HIP1: variants seen among roughly 807,000 people sequenced by gnomAD.
The protein encoded by HIP1 is huntingtin-interacting protein 1.
Under a neutral mutation model 147.6 loss-of-function variants are expected in HIP1, and 65 were observed. The observed-to-expected ratio is 0.44, with a 90% CI of 0.36 to 0.54. The LOEUF is 0.54. Among genes scored for constraint, HIP1 ranks in the 20% least tolerant of loss-of-function variants. The pLI is 0.00. For missense variants in HIP1, 1,061 were observed against 1,299.6 expected (o/e 0.82, Z 2.82); for synonymous variants, 479 against 504.0 (o/e 0.95, Z 0.67).
intron 1 of HIP1, among the ~76,000 whole-genome samples, chr7:75,702,614 T>C (rs1445469264): frequency 6.6e-6 from 1 of 152,210 alleles, no homozygotes; most frequent in Non-Finnish European, 1.5e-5. Context: ...AGAAGCATGG[T>C]GCCTGCATCT....
intron 25 of HIP1, 60 bp from the exon 26 acceptor site, chr7:75,545,248 G>C: frequency 1.1e-6 from 1 of 927,870 alleles, no homozygotes; most frequent in Non-Finnish European, 1.7e-6. Context: ...TATGGCAGGT[G>C]CTTTTATACA....
intron 1 of HIP1, among the ~76,000 whole-genome samples, chr7:75,672,855 G>A (rs1487427333): frequency 5.9e-5 from 9 of 152,156 alleles, no homozygotes; most frequent in African/African-American, 2.2e-4. Context: ...TGTGTATAGC[G>A]TGAAGAGTCT....
intron 5 of HIP1, among the ~76,000 whole-genome samples, chr7:75,583,241 C>A (rs587701828): frequency 3.5e-4 from 54 of 152,248 alleles, no homozygotes; most frequent in African/African-American, 1.3e-3. Flanking sequence ...CTTCCCCACA[C>A]CCTGCCTGCC....
chr7:75,658,356 T>C (rs1278788953), intron 1 of HIP1, among the ~76,000 whole-genome samples: 2 of 152,198 alleles, frequency 1.3e-5, no homozygotes, highest in African/African-American at 2.4e-5. Context: ...TCCCAAAGTG[T>C]TGGGATTACA....
At chr7:75,689,460 C>T (rs372035041) in intron 1 of HIP1, among the ~76,000 whole-genome samples, 7 of 151,470 alleles carry the variant, frequency 4.6e-5, no homozygotes, top group Middle Eastern at 3.6e-3. Context: ...GCTGAGATTG[C>T]GCCATTGTAT....
chr7:75,670,275 C>T (rs1189471956), intron 1 of HIP1, among the ~76,000 whole-genome samples: 6 of 151,150 alleles, frequency 4.0e-5, no homozygotes, highest in Admixed American at 2.6e-4. Flanking sequence ...CTCAGCCTCC[C>T]GGGTAGCTGG....
At chr7:75,714,341 T>A (rs1374071318) in intron 1 of HIP1, among the ~76,000 whole-genome samples, 4 of 151,702 alleles carry the variant, frequency 2.6e-5, no homozygotes, top group Non-Finnish European at 2.9e-5. Flanking sequence ...GCCTGGCCTT[T>A]TTAACATTTT....
At chr7:75,708,622 T>A (rs909024176) in intron 1 of HIP1, among the ~76,000 whole-genome samples, 1 of 152,154 alleles carries the variant, frequency 6.6e-6, no homozygotes, top group African/African-American at 2.4e-5. Context: ...TTTTTCCTCA[T>A]TGAATGGCCT....
At chr7:75,655,521 G>A (rs1554512501) in intron 1 of HIP1, among the ~76,000 whole-genome samples, 1 of 151,958 alleles carries the variant, frequency 6.6e-6, no homozygotes, top group Non-Finnish European at 1.5e-5. Flanking sequence ...AGCGGAGGTT[G>A]TAGTGAGCCG....
chr7:75,615,990 G>T (rs1797639551), intron 1 of HIP1, among the ~76,000 whole-genome samples: 1 of 145,948 alleles, frequency 6.9e-6, no homozygotes, highest in Admixed American at 7.0e-5. Flanking sequence ...GCAGGCTGAG[G>T]CAGGAGAATC....
rs782661927 is a variant in HIP1, at chr7:75,534,135, C to G, written c.*4037G>C. On this transcript the variant is annotated 3_prime_UTR_variant, in exon 31 of 31. Coordinates refer to ENST00000336926, the MANE Select transcript of HIP1 (RefSeq NM_005338.7). Reference sequence around the variant, plus strand: ...CTGAGAACTAGCTCCTGCACAGGGTCGAGGGGCCAAAGCCAACTAATCTGA... The same window carrying G: ...CTGAGAACTAGCTCCTGCACAGGGTGGAGGGGCCAAAGCCAACTAATCTGA... 4.3e-6 allele frequency: 1 copy of G among 230,390 alleles called. No homozygotes were observed. Among genetic ancestry groups the G allele is most frequent in the South Asian group, 1.8e-4 (1 of 5,512 alleles). 14.3% of individuals were successfully genotyped at this position (230,390 alleles called of 1,614,324 possible). A position where few individuals can be genotyped will look rare whatever the true frequency, so the allele number is the denominator to read the frequency against.
intron 5 of HIP1, 48 bp from the exon 6 acceptor site, chr7:75,582,199 C>A: frequency 6.7e-7 from 1 of 1,486,566 alleles, no homozygotes; most frequent in South Asian, 1.1e-5. Flanking sequence ...ACATGAAGAG[C>A]CCTCTCTCAG....
At chr7:75,679,984 C>G (rs529854751) in intron 1 of HIP1, among the ~76,000 whole-genome samples, 232 of 152,302 alleles carry the variant, frequency 1.5e-3, no homozygotes, top group Middle Eastern at 3.4e-3. Context: ...GACTAGCCTC[C>G]CTCTCACATC....
intron 1 of HIP1, among the ~76,000 whole-genome samples, chr7:75,661,683 G>A (rs549294393): frequency 6.6e-6 from 1 of 151,918 alleles, no homozygotes; most frequent in African/African-American, 2.4e-5. Context: ...CCAAGGATGC[G>A]AAGCAGGGAA....
At chr7:75,694,005 C>T (rs995894196) in intron 1 of HIP1, among the ~76,000 whole-genome samples, 141 of 150,326 alleles carry the variant, frequency 9.4e-4, no homozygotes, top group African/African-American at 3.3e-3. Context: ...CTGCAACCTC[C>T]GCCTCCCAGG....
intron 1 of HIP1, among the ~76,000 whole-genome samples, chr7:75,673,423 A>G (rs1799786256): frequency 6.6e-6 from 1 of 152,112 alleles, no homozygotes; most frequent in South Asian, 2.1e-4. Context: ...AGGCATTTGA[A>G]ATTTTGATAG....
chr7:75,557,513 G>A lies in HIP1; in HGVS notation c.1581+141C>T. The A allele has an allele frequency of 8.4e-6, 6 of 715,572 alleles. No individual in the cohort carries two copies. In the South Asian group the frequency reaches 9.2e-5, roughly 11 times the overall value. 44.3% of individuals were successfully genotyped at this position (715,572 alleles called of 1,614,324 possible). A position where few individuals can be genotyped will look rare whatever the true frequency, so the allele number is the denominator to read the frequency against. On this transcript the variant is annotated intron_variant, in intron 16 of 30. Transcript: ENST00000336926. ...ACTGGTGACGGTGTTTTGCTGTTCT[G>A]TGTGGCCACCATGGTGTGCTCCCTG...
At chr7:75,631,353 G>A (rs10277880) in intron 1 of HIP1, among the ~76,000 whole-genome samples, 28,494 of 152,124 alleles carry the variant, frequency 0.19, 3,579 homozygotes, top group African/African-American at 0.35. Flanking sequence ...CGAGGAAACA[G>A]TATGAGGAGA....
At chr7:75,672,912 TTC>T (rs1799769131) in intron 1 of HIP1, among the ~76,000 whole-genome samples, 1 of 152,174 alleles carries the variant, frequency 6.6e-6, no homozygotes, top group Non-Finnish European at 1.5e-5. Context: ...GTGGGCTTAT[TTC>T]TGGACCCCCA....
Sources: gnomAD v4.1 joint callset for allele counts (sites outside exome capture counted in the v4.1 genomes callset) on GRCh38, gnomAD v4.1.1 for gene constraint, MANE v1.5 for transcripts, NCBI Gene and HGNC (gene_info 2026-07-23, HGNC 2026-07-21) for gene names.